The following APOB variants were observed in gnomAD, a reference collection of about 807,000 sequenced individuals.
APOB encodes apolipoprotein B.
In APOB, 153 loss-of-function variants were observed where a neutral mutation model predicts 314.1. That is an observed-to-expected ratio of 0.49 (90% CI 0.43 to 0.56). The LOEUF is 0.56. Among genes scored for constraint, APOB ranks in the 20% least tolerant of loss-of-function variants. APOB has a pLI of 0.00. For missense variants in APOB, 5,430 were observed against 5,350.7 expected, an observed-to-expected ratio of 1.01 and a Z score of -0.46; for synonymous variants, 2,087 against 2,036.4, an observed-to-expected ratio of 1.02 and a Z score of -0.67.
At chr2:21,033,565 A>G in intron 8 of APOB, 47 bp from the exon 9 acceptor site, 2 of 1,505,278 alleles carry the variant, frequency 1.3e-6, no homozygotes, top group Non-Finnish European at 1.8e-6. Flanking sequence ...CTTCATCTCA[A>G]CCATATCTTT....
rs774483133 is a variant in APOB at position 21,023,669 on chromosome 2, G to A, written c.2460C>T (p.Gly820=). Residue 820 remains glycine, a synonymous_variant, in exon 17 of 29, where the codon GGC becomes GGT. Transcript: ENST00000233242. ...AGTGAAGAAAAAAGTCATTCTTTGA[G>A]CCCTTCCTGATGACCTCTCCAATCT... The part of the protein sequence containing the change: ...PQMIGEVIRK[G]SKNDFFLHYI... 3 of 1,612,154 alleles carry A rather than the reference G, an allele frequency of 1.9e-6. No homozygotes were observed. Among genetic ancestry groups the A allele is most frequent in the Non-Finnish European group, 2.5e-6 (3 of 1,178,300 alleles).
In APOB at chr2:21,015,356, G is replaced by T; in HGVS notation, c.3508+14C>A. The T allele has an allele frequency of 1.2e-6, 2 of 1,614,156 alleles. No individual in the cohort carries two copies. The highest frequency in any genetic ancestry group is 1.7e-6 in the Non-Finnish European group (2 of 1,180,008). On this transcript the variant is annotated intron_variant, in intron 22 of 28. Transcript: ENST00000233242. ...TTACTTTGGAAGTGCTCACACAGGG[G>T]AAGAGACACATACCATAATGCCATG...
At position 21,015,602 on chromosome 2, in the gene APOB, C is replaced by G; in HGVS notation, c.3333-57G>C. On this transcript the variant is annotated intron_variant, in intron 21 of 28. Coordinates refer to ENST00000233242, the MANE Select transcript of APOB (RefSeq NM_000384.3). ...ATTTTGTCCTTTCAATGGAGATATG[C>G]AGGATTAAACAGAAGTTCCATTTGT... is the stretch of plus-strand genomic sequence containing the variant. The G allele has an allele frequency of 3.2e-6, 5 of 1,560,074 alleles. No homozygotes were observed. The South Asian group carries it at 4.5e-5, about 14-fold the overall frequency.
intron 6 of APOB, among the ~76,000 whole-genome samples, chr2:21,035,975 C>G (rs1663993574): frequency 2.0e-5 from 3 of 152,304 alleles, no homozygotes; most frequent in South Asian, 2.1e-4. Flanking sequence ...ACCACATAGC[C>G]CCTCACACAC....
chr2:21,009,803 C>G lies in APOB; in HGVS notation c.7065G>C (p.Gln2355His), dbSNP rs745718047. ...ACTCTACTAATTTATCCATTAAAAC[C>G]TGGATTTGTTGGTCTACTTCATACC... ...IERYEVDQQI[Q>H]VLMDKLVELA... The change falls in exon 26 of 29, where the codon CAG becomes CAC. Residue 2355 changes from glutamine (Q) to histidine (H), a missense_variant. By Grantham distance (24) the Gln-to-His change is conservative. Transcript: ENST00000233242. The G allele has an allele frequency of 3.1e-6, 5 of 1,614,026 alleles. No individual in the cohort carries two copies. The highest frequency in any genetic ancestry group is 4.2e-6 in the Non-Finnish European group (5 of 1,179,974).
chr2:21,028,139 A>G lies in APOB; in HGVS notation c.1830-74T>C, dbSNP rs927695363. The G allele has an allele frequency of 5.7e-6, 7 of 1,238,510 alleles. No homozygotes were observed. The South Asian group carries it at 8.5e-5, about 15-fold the overall frequency. The allele number at this position is 1,238,510 out of a possible 1,614,324, so 76.7% of individuals were successfully genotyped here. ...TTTGACTCTTGCACCCCAAGTAAAT[A>G]TGGATTTCCAATCACTACCAAAATG... On this transcript the variant is annotated intron_variant, in intron 13 of 28. Transcript: ENST00000233242.
Position 21,025,042 on chromosome 2 carries a change from T to A in APOB, c.2327A>T (p.Tyr776Phe). The change falls in exon 16 of 29, where the codon TAC (tyrosine) becomes TTC (phenylalanine). Residue 776 changes from tyrosine (Y) to phenylalanine (F), a missense_variant. Transcript: ENST00000233242. ...KSKEVPEARA[Y>F]LRILGEELGF... The stretch of plus-strand genomic sequence containing the variant: ...AAGCTCCTCTCCCAAGATGCGGAGG[T>A]AGGCTCTGGCTTCCGGGACTTCTTT... 1 of 1,614,222 alleles carries A rather than the reference T, an allele frequency of 6.2e-7. No homozygotes were observed. The highest frequency in any genetic ancestry group is 2.2e-5 in the East Asian group (1 of 44,884).
intron 8 of APOB, among the ~76,000 whole-genome samples, chr2:21,034,243 T>C (rs1663949544): frequency 6.6e-6 from 1 of 152,218 alleles, no homozygotes; most frequent in African/African-American, 2.4e-5. Flanking sequence ...CTTGACTACA[T>C]CAAACTCTAA....
rs528388333 is a variant in APOB at position 21,041,290 on chromosome 2, T to G, written c.238-207A>C. On this transcript the variant is annotated intron_variant, in intron 3 of 28. Transcript: ENST00000233242. Reference sequence around the variant, plus strand: ...AGACTTAGTCCTATTGCTGACGTTTTCCCCCTCCCGGGTAACACATTTCTT... The same window carrying G: ...AGACTTAGTCCTATTGCTGACGTTTGCCCCCTCCCGGGTAACACATTTCTT... Among the ~76,000 whole-genome samples, 19 of 152,276 alleles carry G rather than the reference T, an allele frequency of 1.2e-4. No homozygotes were observed. The South Asian group carries it at 3.5e-3, about 28-fold the overall frequency.
rs879255342 is a variant in APOB, at chr2:21,015,516, T to C, written c.3362A>G (p.Lys1121Arg). 4 of 1,613,814 alleles carry C rather than the reference T, an allele frequency of 2.5e-6. No homozygotes were observed. Among genetic ancestry groups the C allele is most frequent in the Non-Finnish European group, 2.5e-6 (3 of 1,180,048 alleles). Residue 1121 changes from lysine (K) to arginine (R), a missense_variant, in exon 22 of 29, where the codon AAG becomes AGG. Coordinates refer to ENST00000233242, the MANE Select transcript of APOB (RefSeq NM_000384.3). Reference protein sequence around the residue: ...SCDTKEERKIKGVISIPRLQA... With the variant: ...SCDTKEERKIRGVISIPRLQA... ...CAAACGGGGTATGGAAATAACACCC[T>C]TGATTTTTCTTTCTTCCTTTGTGTC...
chr2:21,015,084 T>A lies in APOB; in HGVS notation c.3685A>T (p.Lys1229Ter). The A allele has an allele frequency of 6.2e-7, 1 of 1,614,082 alleles. No homozygotes were observed. The highest frequency in any genetic ancestry group is 8.5e-7 in the Non-Finnish European group (1 of 1,179,974). ...AGACTCATACTTACAACTATTAATTTGGAACCCACGTGCCGGAAAGTCATG... is the reference window on the plus strand; with the variant it reads ...AGACTCATACTTACAACTATTAATTAGGAACCCACGTGCCGGAAAGTCATG... ...TDMTFRHVGS[K>*]LIVAMSSWLQ... is the part of the protein sequence containing the mutation. The change falls in exon 23 of 29, where the codon AAA becomes TAA. Residue 1229 changes from lysine to a stop codon, truncating the protein, a stop_gained. Coordinates refer to ENST00000233242, the MANE Select transcript of APOB (RefSeq NM_000384.3). LOFTEE classifies it high-confidence loss of function.
chr2:21,041,310 T>C (rs191372114), intron 3 of APOB, among the ~76,000 whole-genome samples: 184 of 152,326 alleles, frequency 1.2e-3, no homozygotes, highest in Non-Finnish European at 2.0e-3. Flanking sequence ...GGGTAACACA[T>C]TTCTTAAGTT....
chr2:21,002,279 A>C lies in APOB; in HGVS notation c.13143T>G (p.Ile4381Met), dbSNP rs1572774728. 6.2e-7 allele frequency: 1 copy of C among 1,613,880 alleles called. No homozygotes were observed. The highest frequency in any genetic ancestry group is 8.5e-7 in the Non-Finnish European group (1 of 1,179,890). Residue 4381 changes from isoleucine (I) to methionine (M), a missense_variant, in exon 29 of 29, where the codon ATT becomes ATG. By Grantham distance (10) the Ile-to-Met change is conservative. This residue lies in a region of APOB where 3,281 missense variants were observed against 3,171.0 expected (regional missense o/e 1.03). Coordinates refer to ENST00000233242, the MANE Select transcript of APOB (RefSeq NM_000384.3). ...CAAAATATTCTTCACGAAGGGCCAT[A>C]ATGTATTGATGGATCTGCTGTAACT... The part of the protein sequence containing the change: ...SQELQQIHQY[I>M]MALREEYFDP...
Position 21,037,120 on chromosome 2 carries a change from G to C in APOB, c.673C>G (p.Leu225Val). Residue 225 changes from leucine to valine, a missense_variant, in exon 6 of 29, where the codon CTT becomes GTT. Physicochemically the swap from Leu to Val is conservative, Grantham distance 32 (BLOSUM62 1). Around this residue, in one of 3 missense-constraint regions of APOB, gnomAD observed 2,085 missense variants for 2,079.7 expected, o/e 1.00. Transcript: ENST00000233242. ...CTTACCATGCCTTTGATGAGAGCAA[G>C]TGGGCTGATGCCTGTGCGGATGGGC... ...FKPIRTGISP[L>V]ALIKGMTRPL... is the part of the protein sequence containing the mutation. The C allele has an allele frequency of 6.2e-7, 1 of 1,614,240 alleles. No individual in the cohort carries two copies.
intron 28 of APOB, 25 bp from the exon 29 acceptor site, chr2:21,003,359 A>T (rs1020006148): frequency 1.3e-5 from 20 of 1,581,388 alleles, no homozygotes; most frequent in Non-Finnish European, 1.7e-5. Context: ...AAAAAAAAAT[A>T]ACATGTTTTC....
At position 21,001,622 on chromosome 2, in the gene APOB, A is replaced by T; in HGVS notation, c.*108T>A. The T allele has an allele frequency of 1.8e-6, 2 of 1,115,560 alleles. No individual in the cohort carries two copies. Among genetic ancestry groups the T allele is most frequent in the Non-Finnish European group, 2.6e-6 (2 of 756,390 alleles). 69.1% of individuals were successfully genotyped at this position (1,115,560 alleles called of 1,614,324 possible). ...TGCTTATAGTCTACTGCCTACTGCA[A>T]GGCTGGCTCACTGTATGGTTTTATC... On this transcript the variant is annotated 3_prime_UTR_variant, in exon 29 of 29. Transcript: ENST00000233242.
chr2:21,021,824 T>C (rs751110717), intron 18 of APOB, among the ~76,000 whole-genome samples: 17 of 152,244 alleles, frequency 1.1e-4, no homozygotes, highest in South Asian at 2.1e-4. Context: ...ATACTTTCTA[T>C]AACTTAGCCC....
rs753643550 is a variant in APOB at position 21,011,900 on chromosome 2, T to A, written c.4968A>T (p.Ala1656=). 5 of 1,613,888 alleles carry A rather than the reference T, an allele frequency of 3.1e-6. No homozygotes were observed. The highest frequency in any genetic ancestry group is 4.2e-6 in the Non-Finnish European group (5 of 1,180,034). The change falls in exon 26 of 29, where the codon GCA becomes GCT. Residue 1656 remains alanine, a synonymous_variant. Coordinates refer to ENST00000233242, the MANE Select transcript of APOB (RefSeq NM_000384.3). ...RIGQDGISTS[A]TTNLKCSLLV... is the part of the protein sequence containing the mutation. ...GGAGACTACACTTCAAGTTGGTCGT[T>A]GCACTGGTAGATATTCCATCTTGGC...
At chr2:21,034,585 C>T (rs1258288659) in intron 8 of APOB, among the ~76,000 whole-genome samples, 1 of 152,152 alleles carries the variant, frequency 6.6e-6, no homozygotes, top group Non-Finnish European at 1.5e-5. Context: ...ACTTAGGATT[C>T]CAGTTTTCTA....
Sources: gnomAD v4.1 joint callset for allele counts (sites outside exome capture counted in the v4.1 genomes callset) on GRCh38, gnomAD v4.1.1 for gene constraint, gnomAD v4.1.1 regional missense constraint, MANE v1.5 for transcripts, NCBI Gene and HGNC (gene_info 2026-07-23, HGNC 2026-07-21) for gene names.